Variants in IL1RAPL2 observed in about 807,000 individuals in gnomAD.
IL1RAPL2 encodes interleukin 1 receptor accessory protein like 2.
In IL1RAPL2, 3 loss-of-function variants were observed where a neutral mutation model predicts 44.1. The observed-to-expected ratio is 0.07, with a 90% confidence interval of 0.03 to 0.18. The LOEUF is 0.18. IL1RAPL2 is among the 10% of genes least tolerant of loss of function. IL1RAPL2 has a pLI of 1.00. For synonymous variants in IL1RAPL2, 181 were observed against 178.8 expected (o/e 1.01, Z -0.10); for missense variants, 391 against 496.4 (o/e 0.79, Z 2.02).
chrX:105,610,288 A>G (rs957703398), intron 6 of IL1RAPL2, among the ~76,000 whole-genome samples: 21 of 112,011 alleles, frequency 1.9e-4, no homozygotes, highest in Non-Finnish European at 3.0e-4. Context: ...TATCTTTTAA[A>G]GCCATTTTCT....
chrX:105,671,195 C>T (rs1311284544), intron 6 of IL1RAPL2, among the ~76,000 whole-genome samples: 1 of 111,395 alleles, frequency 9.0e-6, no homozygotes, highest in Non-Finnish European at 1.9e-5. Context: ...GATCCACCGG[C>T]CTTGGCCTCC....
intron 5 of IL1RAPL2, among the ~76,000 whole-genome samples, chrX:105,297,084 G>T (rs1005051599): frequency 3.6e-5 from 4 of 112,132 alleles, no homozygotes; most frequent in Admixed American, 9.5e-5. Context: ...GGCAAGGAAG[G>T]TCTCTCTGAA....
At chrX:105,056,518 T>C (rs2031996139) in intron 2 of IL1RAPL2, among the ~76,000 whole-genome samples, 1 of 111,740 alleles carries the variant, frequency 8.9e-6, no homozygotes, top group Non-Finnish European at 1.9e-5. Context: ...ACTTTAAGAT[T>C]GGGAGAAACA....
intron 2 of IL1RAPL2, among the ~76,000 whole-genome samples, chrX:105,138,001 A>G (rs1450796595): frequency 8.9e-6 from 1 of 112,149 alleles, no homozygotes; most frequent in African/African-American, 3.2e-5. Context: ...TGAGCCCAGG[A>G]GATCAAGGCT....
chrX:105,130,178 T>A (rs891885057), intron 2 of IL1RAPL2, among the ~76,000 whole-genome samples: 1 of 111,382 alleles, frequency 9.0e-6, no homozygotes, highest in Non-Finnish European at 1.9e-5. Flanking sequence ...CTAGGAATGT[T>A]TGACTAAAAA....
chrX:105,609,129 T>C (rs1363841563), intron 6 of IL1RAPL2, among the ~76,000 whole-genome samples: 4 of 111,695 alleles, frequency 3.6e-5, no homozygotes, highest in Non-Finnish European at 5.6e-5. Context: ...TTTTAAAGAT[T>C]TTAGAAAGAA....
chrX:105,436,089 C>A (rs2035880512), intron 5 of IL1RAPL2, among the ~76,000 whole-genome samples: 1 of 111,585 alleles, frequency 9.0e-6, no homozygotes. Flanking sequence ...ACCACTGATA[C>A]ATGCAACAGT....
chrX:105,075,549 G>A (rs2032282642), intron 2 of IL1RAPL2, among the ~76,000 whole-genome samples: 1 of 111,577 alleles, frequency 9.0e-6, no homozygotes, highest in African/African-American at 3.3e-5. Flanking sequence ...GGATGATGCT[G>A]GCCTCATAAA....
intron 2 of IL1RAPL2, among the ~76,000 whole-genome samples, chrX:104,895,275 A>G (rs796192316): frequency 8.9e-6 from 1 of 112,038 alleles, no homozygotes; most frequent in South Asian, 3.7e-4. Context: ...TCAGTTCTCA[A>G]ACTCTGTGCT....
chrX:104,589,382 A>G lies in IL1RAPL2; in HGVS notation c.-20+22331A>G, dbSNP rs1017242317. On this transcript the variant is annotated intron_variant, in intron 1 of 10. Coordinates refer to ENST00000372582, the MANE Select transcript of IL1RAPL2 (RefSeq NM_017416.2). Reference sequence around the variant, plus strand: ...GAGGCTAAGCCAGTCTATCCTTTTCACGTTTTTCTGCCTGCTTTATATTCT... The same window carrying G: ...GAGGCTAAGCCAGTCTATCCTTTTCGCGTTTTTCTGCCTGCTTTATATTCT... Among the ~76,000 whole-genome samples, 6 of 111,931 alleles carry G rather than the reference A, an allele frequency of 5.4e-5. 1 individual carries two copies. Among genetic ancestry groups the G allele is most frequent in the African/African-American group, 2.0e-4 (6 of 30,753 alleles).
intron 2 of IL1RAPL2, among the ~76,000 whole-genome samples, chrX:104,882,369 T>A (rs1350313836): frequency 8.9e-6 from 1 of 112,396 alleles, no homozygotes; most frequent in East Asian, 2.8e-4. Flanking sequence ...AGAAAATTAG[T>A]TGCCTTGTTG....
chrX:104,949,672 A>T (rs1196492918), intron 2 of IL1RAPL2, among the ~76,000 whole-genome samples: 1 of 109,448 alleles, frequency 9.1e-6, no homozygotes, highest in African/African-American at 3.4e-5. Flanking sequence ...TCATTTCGTT[A>T]TGTAGCCAGT....
intron 2 of IL1RAPL2, among the ~76,000 whole-genome samples, chrX:105,139,647 G>A (rs752306682): frequency 2.3e-4 from 26 of 111,711 alleles, no homozygotes; most frequent in African/African-American, 7.2e-4. Flanking sequence ...ATGTTGGAAA[G>A]AGAGCTAGCG....
At chrX:105,175,614 C>T (rs1602992641) in intron 2 of IL1RAPL2, among the ~76,000 whole-genome samples, 1 of 110,544 alleles carries the variant, frequency 9.0e-6, no homozygotes, top group Non-Finnish European at 1.9e-5. Context: ...ATAATTTTGC[C>T]ATTTCCCAGA....
intron 3 of IL1RAPL2, chrX:105,220,513 G>C (rs182068237): frequency 1.9e-5 from 13 of 689,159 alleles, no homozygotes; most frequent in African/African-American, 2.4e-5. Context: ...TCTTGTCCCC[G>C]CCCTACCCGC....
intron 6 of IL1RAPL2, among the ~76,000 whole-genome samples, chrX:105,645,042 A>T (rs1255340483): frequency 9.0e-6 from 1 of 111,507 alleles, no homozygotes; most frequent in African/African-American, 3.3e-5. Flanking sequence ...AGTCTTTGCT[A>T]TTGTGAACAG....
chrX:105,247,599 A>ATG (rs1162758533), intron 4 of IL1RAPL2, among the ~76,000 whole-genome samples: 26 of 93,993 alleles, frequency 2.8e-4, no homozygotes, highest in African/African-American at 1.2e-3. Context: ...GTGTATATAT[A>ATG]TATATGTGTG....
intron 2 of IL1RAPL2, among the ~76,000 whole-genome samples, chrX:105,054,362 G>T (rs1174214642): frequency 1.8e-5 from 2 of 111,779 alleles, no homozygotes; most frequent in East Asian, 5.6e-4. Flanking sequence ...TGATGTTCAA[G>T]AAACTGCTGT....
At chrX:104,820,961 T>A (rs1444014136) in intron 2 of IL1RAPL2, among the ~76,000 whole-genome samples, 2 of 112,231 alleles carry the variant, frequency 1.8e-5, no homozygotes, top group Non-Finnish European at 3.8e-5. Context: ...TTTATTTCCA[T>A]GACAAATAAT....
Sources: gnomAD v4.1 joint callset for allele counts (sites outside exome capture counted in the v4.1 genomes callset) on GRCh38, gnomAD v4.1.1 for gene constraint, MANE v1.5 for transcripts, NCBI Gene and HGNC (gene_info 2026-07-23, HGNC 2026-07-21) for gene names.